ERICH2: variants seen among roughly 807,000 people sequenced by gnomAD.
The protein encoded by ERICH2 is glutamate rich 2.
A neutral mutation model predicts 17.4 loss-of-function variants in ERICH2; 17 were observed. The ratio of observed to expected loss-of-function variants is 0.98; its 90% CI spans 0.67 to 1.47. ERICH2 has a LOEUF of 1.47. Among genes scored for constraint, ERICH2 ranks in the 40% most tolerant of loss-of-function variants. The probability of loss-of-function intolerance (pLI) is 0.00; values close to 1 mark genes in which losing one functional copy is unlikely to be tolerated. For missense variants in ERICH2, 186 were observed against 183.2 expected, an observed-to-expected ratio of 1.01 and a Z score of -0.09; for synonymous variants, 51 against 61.1, an observed-to-expected ratio of 0.83 and a Z score of 0.77.
chr2:170,778,826 G>T (rs1324496649), upstream of ERICH2, among the ~76,000 whole-genome samples: 1 of 152,130 alleles, frequency 6.6e-6, no homozygotes, highest in East Asian at 1.9e-4. Context: ...GTATCAATGA[G>T]CCCCAATGTT....
chr2:170,778,972 G>A (rs2105678389), upstream of ERICH2, among the ~76,000 whole-genome samples: 1 of 152,262 alleles, frequency 6.6e-6, no homozygotes, highest in Middle Eastern at 3.4e-3. Flanking sequence ...CTTGATCTCA[G>A]TCCTAATTGC....
chr2:170,779,402 T>C (rs1184487208), upstream of ERICH2, among the ~76,000 whole-genome samples: 1 of 152,196 alleles, frequency 6.6e-6, no homozygotes, highest in Non-Finnish European at 1.5e-5. Flanking sequence ...ACAAGAAGTA[T>C]GTGGACTCTA....
Position 170,794,003 on chromosome 2 carries a change from T to C in ERICH2, c.274+1083T>C, listed in dbSNP as rs540542850. Among the ~76,000 whole-genome samples, 417 of 152,166 alleles carry C rather than the reference T, an allele frequency of 2.7e-3. 1 individual carries two copies. The highest frequency in any genetic ancestry group is 9.5e-3 in the African/African-American group (395 of 41,554). ...ATTACACACAAATTAGACTTTTTTT[T>C]CATGATGTCCCATGTGTATCTTATA... On this transcript the variant is annotated intron_variant, in intron 3 of 4. Transcript: ENST00000409885.
At chr2:170,787,030 A>G (rs1701175186) in intron 2 of ERICH2, among the ~76,000 whole-genome samples, 1 of 140,212 alleles carries the variant, frequency 7.1e-6, no homozygotes, top group Non-Finnish European at 1.6e-5. Flanking sequence ...GCATGCCTAT[A>G]TTTTGTTTGT....
chr2:170,791,253 ATATAAG>A (rs1022846264), intron 2 of ERICH2, among the ~76,000 whole-genome samples: 1 of 152,194 alleles, frequency 6.6e-6, no homozygotes, highest in African/African-American at 2.4e-5. Context: ...GATTTTGAAA[ATATAAG>A]AATTCTATTG....
At chr2:170,794,123 T>TC (rs1251978469) in intron 3 of ERICH2, among the ~76,000 whole-genome samples, 1 of 142,372 alleles carries the variant, frequency 7.0e-6, no homozygotes, top group Non-Finnish European at 1.5e-5. Context: ...TTTTTTTTTT[T>TC]TTTGACAGGT....
At chr2:170,776,934 C>A in the ERICH2 span, among the ~76,000 whole-genome samples, 1 of 152,002 alleles carries the variant, frequency 6.6e-6, no homozygotes, top group African/African-American at 2.4e-5. Flanking sequence ...CCCCGTCCCC[C>A]AGAAGGCTTA....
At chr2:170,782,870 C>T (rs559604455), upstream of ERICH2, among the ~76,000 whole-genome samples, 125 of 152,250 alleles carry the variant, frequency 8.2e-4, 1 homozygote, top group Admixed American at 3.4e-3. Context: ...CAGCCCAGGT[C>T]GAGCCCTAGA....
the ERICH2 span, among the ~76,000 whole-genome samples, chr2:170,774,715 A>G: frequency 0.67 from 101,141 of 151,002 alleles, 34,175 homozygotes; most frequent in East Asian, 0.78. Flanking sequence ...GGGACTACAG[A>G]CTCACACCAC....
At chr2:170,776,707 C>T in the ERICH2 span, among the ~76,000 whole-genome samples, 10 of 151,858 alleles carry the variant, frequency 6.6e-5, no homozygotes, top group East Asian at 1.9e-3. Flanking sequence ...TTTGTGACAC[C>T]AATAAACTGG....
chr2:170,784,693 G>T lies in ERICH2; in HGVS notation c.76G>T (p.Glu26Ter). The change falls in exon 2 of 5, where the codon GAA becomes TAA. Residue 26 changes from glutamate (E) to a stop codon, truncating the protein, a stop_gained. Transcript: ENST00000409885. LOFTEE classifies it high-confidence loss of function. Reference sequence around the variant, plus strand: ...CATTGTAAAGCAGGAGAAAAATAATGAATATTGCCTTCAGGATATTGATGA... The same window carrying T: ...CATTGTAAAGCAGGAGAAAAATAATTAATATTGCCTTCAGGATATTGATGA... 1 of 1,542,742 alleles carries T rather than the reference G, an allele frequency of 6.5e-7. No individual in the cohort carries two copies. Among genetic ancestry groups the T allele is most frequent in the Non-Finnish European group, 8.7e-7 (1 of 1,144,200 alleles).
At chr2:170,771,599 T>C in the ERICH2 span, among the ~76,000 whole-genome samples, 1 of 152,334 alleles carries the variant, frequency 6.6e-6, no homozygotes, top group East Asian at 1.9e-4. This position sits in a 1 kb window ranked among gnomAD's most constrained non-coding sequence, Gnocchi z 4.8. Context: ...CTTCCCTCAG[T>C]CCTTGCCCTT....
At chr2:170,798,051 T>C in exon 4 of ERICH2, 3 of 1,548,056 alleles carry the variant, frequency 1.9e-6, no homozygotes, top group Non-Finnish European at 2.6e-6. Context: ...TCCTAATCTA[T>C]GAACCAGAAA....
upstream of ERICH2, among the ~76,000 whole-genome samples, chr2:170,781,107 T>C (rs940978634): frequency 2.0e-5 from 3 of 152,134 alleles, no homozygotes; most frequent in Non-Finnish European, 4.4e-5. Context: ...CCTCCCATAG[T>C]ATTAAGGATG....
chr2:170,798,806 G>C, exon 5 of ERICH2: 1 of 1,550,732 alleles, frequency 6.4e-7, no homozygotes. Context: ...GGTGAAAACA[G>C]TGATGAAGAC....
At chr2:170,773,941 C>T in the ERICH2 span, among the ~76,000 whole-genome samples, 1 of 152,054 alleles carries the variant, frequency 6.6e-6, no homozygotes, top group Non-Finnish European at 1.5e-5. Flanking sequence ...AGGCTGGTGT[C>T]GACCTCCCAT....
At chr2:170,792,011 A>G (rs187050842) in intron 2 of ERICH2, among the ~76,000 whole-genome samples, 1 of 152,310 alleles carries the variant, frequency 6.6e-6, no homozygotes, top group East Asian at 1.9e-4. Flanking sequence ...CACACAAGCA[A>G]GAACAATCAT....
chr2:170,794,399 A>T (rs1701368169), intron 3 of ERICH2, among the ~76,000 whole-genome samples: 1 of 151,602 alleles, frequency 6.6e-6, no homozygotes. Context: ...GAGCCATAGC[A>T]CCTGGCTCTC....
intron 2 of ERICH2, among the ~76,000 whole-genome samples, chr2:170,791,928 T>C (rs1034843081): frequency 1.8e-4 from 28 of 152,170 alleles, no homozygotes; most frequent in African/African-American, 6.5e-4. Flanking sequence ...GAAGGGTCTC[T>C]TTCATATTAC....
Sources: allele counts gnomAD v4.1 joint callset (sites outside exome capture counted in the v4.1 genomes callset), GRCh38; gene constraint gnomAD v4.1.1; non-coding constraint Gnocchi (gnomAD v3.1); transcripts MANE v1.5; gene names NCBI Gene and HGNC (gene_info 2026-07-23, HGNC 2026-07-21).